The following TNS3 variants were observed in gnomAD, a reference collection of about 807,000 sequenced individuals.
TNS3 encodes the protein tensin 3, also known as tensin-3.
In TNS3, 45 loss-of-function variants were observed where a neutral mutation model predicts 140.9. The observed-to-expected ratio is 0.32, with a 90% CI of 0.25 to 0.41. The LOEUF (loss-of-function observed/expected upper bound fraction) is 0.41, where lower values mean the gene tolerates loss of function less well. Ranked by LOEUF, TNS3 falls within the 10% of genes least tolerant of loss-of-function variation. The pLI is 1.00. For missense variants in TNS3, 1,716 were observed against 1,906.7 expected, an observed-to-expected ratio of 0.90 and a Z score of 1.86; for synonymous variants, 815 against 788.4, an observed-to-expected ratio of 1.03 and a Z score of -0.56.
At chr7:47,409,743 C>T (rs918380595) in intron 13 of TNS3, among the ~76,000 whole-genome samples, 7 of 152,126 alleles carry the variant, frequency 4.6e-5, no homozygotes, top group East Asian at 1.9e-4. Context: ...CTGCAAGCTC[C>T]GCCTCCTGGG....
intron 2 of TNS3, among the ~76,000 whole-genome samples, chr7:47,527,965 A>T (rs1799259762): frequency 6.6e-6 from 1 of 152,012 alleles, no homozygotes. Flanking sequence ...CTCAGAGTAC[A>T]CTACAGCCCG....
chr7:47,424,151 C>G lies in TNS3; in HGVS notation c.423G>C (p.Lys141Asn). 6.2e-7 allele frequency: 1 copy of G among 1,614,152 alleles called. No homozygotes were observed. The change falls in exon 10 of 31, where the codon AAG becomes AAC. Residue 141 changes from lysine to asparagine, a missense_variant. This residue lies in a region of TNS3 where 337 missense variants were observed against 428.9 expected (regional missense o/e 0.79). Transcript: ENST00000311160. ...CTGAAACTTTGTCATCATAAAACTT[C>G]TTCATTGCAAACCTGTCAAGGGCCT... is the stretch of plus-strand genomic sequence containing the variant. ...ADQALDRFAM[K>N]KFYDDKVSAL... is the part of the protein sequence containing the mutation.
intron 1 of TNS3, among the ~76,000 whole-genome samples, chr7:47,563,072 A>C (rs1334807175): frequency 6.6e-6 from 1 of 152,176 alleles, no homozygotes; most frequent in Non-Finnish European, 1.5e-5. Flanking sequence ...CAGCGAAGCT[A>C]GGCAAAACTC....
At chr7:47,544,600 G>T (rs1253318334) in intron 1 of TNS3, among the ~76,000 whole-genome samples, 1 of 152,094 alleles carries the variant, frequency 6.6e-6, no homozygotes, top group Non-Finnish European at 1.5e-5. Flanking sequence ...ATCTGCCAGA[G>T]CCTTGATCTT....
intron 4 of TNS3, chr7:47,453,343 T>A: frequency 1.3e-6 from 1 of 746,478 alleles, no homozygotes; most frequent in East Asian, 1.3e-4. Context: ...GACTAGCCAC[T>A]AGGGAGAACC....
chr7:47,535,442 C>T (rs771114135), intron 1 of TNS3, among the ~76,000 whole-genome samples: 3 of 152,234 alleles, frequency 2.0e-5, no homozygotes, highest in African/African-American at 4.8e-5. Context: ...CATCTGCTCA[C>T]GCTTCATCTG....
intron 17 of TNS3, among the ~76,000 whole-genome samples, chr7:47,357,278 T>C (rs1161039360): frequency 6.6e-6 from 1 of 152,212 alleles, no homozygotes; most frequent in African/African-American, 2.4e-5. Context: ...CACACAGGTG[T>C]GCCTGATAGG....
chr7:47,361,536 G>A (rs895742695), intron 17 of TNS3, among the ~76,000 whole-genome samples: 5 of 152,200 alleles, frequency 3.3e-5, no homozygotes, highest in African/African-American at 1.2e-4. Context: ...TTGTGAGGCT[G>A]TGAGCCTTCT....
chr7:47,543,277 T>C (rs1799838235), intron 1 of TNS3, among the ~76,000 whole-genome samples: 1 of 152,242 alleles, frequency 6.6e-6, no homozygotes, highest in Non-Finnish European at 1.5e-5. Context: ...CAGGAAGTGT[T>C]CAGGCACACT....
At chr7:47,329,351 C>T (rs374041891) in intron 20 of TNS3, among the ~76,000 whole-genome samples, 12 of 152,234 alleles carry the variant, frequency 7.9e-5, no homozygotes, top group African/African-American at 2.7e-4. Context: ...CCTGGGCTGC[C>T]TCCTTTCTTA....
chr7:47,315,476 G>A (rs149673748), intron 20 of TNS3, among the ~76,000 whole-genome samples: 2 of 152,346 alleles, frequency 1.3e-5, no homozygotes, highest in African/African-American at 4.8e-5. Flanking sequence ...CAGAACAAGG[G>A]TGACAGAGGG....
rs557839665 is a variant in TNS3, at chr7:47,373,746, G to C, written c.1025-4125C>G. On this transcript the variant is annotated intron_variant, in intron 16 of 30. Transcript: ENST00000311160. ...GCTCTCCCTTGCATTTCTAGCATTA[G>C]TGAACAGCCTCTGACACCCGGTGAA... Among the ~76,000 whole-genome samples, 5 of 152,354 alleles carry C rather than the reference G, an allele frequency of 3.3e-5. No homozygotes were observed. The East Asian group carries it at 9.6e-4, about 29-fold the overall frequency.
At chr7:47,282,198 C>A (rs1430122451) in intron 28 of TNS3, among the ~76,000 whole-genome samples, 1 of 148,562 alleles carries the variant, frequency 6.7e-6, no homozygotes, top group Non-Finnish European at 1.5e-5. Context: ...CACCATGTAA[C>A]TGAGCTATGC....
intron 13 of TNS3, among the ~76,000 whole-genome samples, chr7:47,410,703 G>T (rs1356764184): frequency 6.6e-6 from 1 of 152,180 alleles, no homozygotes; most frequent in East Asian, 1.9e-4. Flanking sequence ...TTTGTATAGG[G>T]TATTTATAAT....
At chr7:47,405,920 C>T (rs542451308) in intron 13 of TNS3, among the ~76,000 whole-genome samples, 14 of 152,064 alleles carry the variant, frequency 9.2e-5, no homozygotes, top group Middle Eastern at 3.4e-3. Flanking sequence ...TTCAAGTGGC[C>T]GTGGATTTGT....
At chr7:47,343,052 T>A (rs553190853) in intron 20 of TNS3, among the ~76,000 whole-genome samples, 1 of 152,236 alleles carries the variant, frequency 6.6e-6, no homozygotes, top group Non-Finnish European at 1.5e-5. Flanking sequence ...CTTTTTATAT[T>A]TAAAGGCAAA....
intron 16 of TNS3, among the ~76,000 whole-genome samples, chr7:47,386,324 G>A (rs564815184): frequency 2.0e-5 from 3 of 152,308 alleles, no homozygotes; most frequent in South Asian, 2.1e-4. Flanking sequence ...TGCTGGGGAC[G>A]CCCTCCTCCT....
intron 24 of TNS3, among the ~76,000 whole-genome samples, chr7:47,295,526 A>G (rs1053143236): frequency 1.3e-5 from 2 of 152,140 alleles, no homozygotes; most frequent in East Asian, 3.9e-4. Context: ...CAGAAATAGC[A>G]TCGTGTTGGG....
intron 4 of TNS3, among the ~76,000 whole-genome samples, chr7:47,449,755 G>A (rs890111487): frequency 3.3e-5 from 5 of 152,124 alleles, no homozygotes; most frequent in Non-Finnish European, 7.4e-5. Context: ...ACAGGCGCCC[G>A]CCACCACACC....
Sources: allele counts gnomAD v4.1 joint callset (sites outside exome capture counted in the v4.1 genomes callset), GRCh38; gene constraint gnomAD v4.1.1; regional missense constraint gnomAD v4.1.1; transcripts MANE v1.5; gene names NCBI Gene and HGNC (gene_info 2026-07-23, HGNC 2026-07-21).